Variants in ECPAS observed in about 807,000 individuals in gnomAD.
ECPAS encodes the protein proteasome adapter and scaffold protein ECM29.
Under a neutral mutation model 255.1 loss-of-function variants are expected in ECPAS, and 70 were observed. The ratio of observed to expected loss-of-function variants is 0.27; its 90% CI spans 0.23 to 0.33. The LOEUF (loss-of-function observed/expected upper bound fraction) is 0.33. Ranked by LOEUF, ECPAS falls within the 10% of genes least tolerant of loss-of-function variation. ECPAS has a pLI of 1.00. For missense variants in ECPAS, 1,817 were observed against 2,206.4 expected (o/e 0.82, Z 3.54); for synonymous variants, 784 against 775.0 (o/e 1.01, Z -0.19).
intron 11 of ECPAS, 109 bp from the exon 12 acceptor site, chr9:111,425,605 A>C: frequency 9.7e-7 from 1 of 1,026,092 alleles, no homozygotes; most frequent in Non-Finnish European, 1.4e-6. Flanking sequence ...AAGTTAAATA[A>C]TCTATTAAAA....
chr9:111,408,476 A>T, intron 24 of ECPAS, 95 bp downstream of exon 24: 1 of 696,208 alleles, frequency 1.4e-6, no homozygotes, highest in Non-Finnish European at 2.4e-6. Flanking sequence ...ATGCTTAATT[A>T]AAAATCTCAC....
At chr9:111,404,813 C>CAAA (rs35277070) in intron 24 of ECPAS, among the ~76,000 whole-genome samples, 580 of 52,590 alleles carry the variant, frequency 0.011, 4 homozygotes, top group Non-Finnish European at 0.013. Context: ...TAATAGCTAC[C>CAAA]AAAAAAAAAA....
Position 111,420,060 on chromosome 9 carries a change from G to T in ECPAS, c.1516C>A (p.His506Asn). 1 of 1,612,896 alleles carries T rather than the reference G, an allele frequency of 6.2e-7. No homozygotes were observed. Among genetic ancestry groups the T allele is most frequent in the Non-Finnish European group, 8.5e-7 (1 of 1,179,286 alleles). The stretch of plus-strand genomic sequence containing the variant: ...AGCAGCAAATATCTGGAAGGGATAT[G>T]ATCTGAGGGAAACACCGTACTGGCA... ...KFASTVFPSDHIPSRYLLLLA... is the reference protein window; with the variant it reads ...KFASTVFPSDNIPSRYLLLLA... Residue 506 changes from histidine (H) to asparagine (N), a missense_variant, in exon 16 of 50, where the codon CAT becomes AAT. Transcript: ENST00000684092.
rs369338743 is a variant in ECPAS, at chr9:111,451,536, A to G, written c.42T>C (p.Phe14=). The G allele has an allele frequency of 1.3e-5, 20 of 1,575,560 alleles. No individual in the cohort carries two copies. The African/African-American group carries it at 2.6e-4, about 20-fold the overall frequency. ...CTGTTTCAGCATGGCCAAGTCGTAA[A>G]AAGACCCGTTCAAGCTGATCTATAA... ...IDCRDQLERV[F]LRLGHAETDE... Residue 14 remains phenylalanine (F), a synonymous_variant, in exon 3 of 50, where the codon TTT becomes TTC. Coordinates refer to ENST00000684092, the MANE Select transcript of ECPAS (RefSeq NM_001364929.1).
chr9:111,418,628 T>G (rs2098208242), intron 16 of ECPAS, among the ~76,000 whole-genome samples: 1 of 152,216 alleles, frequency 6.6e-6, no homozygotes. Context: ...CCTTAAGTTG[T>G]CAGAGGATTT....
At chr9:111,395,459 C>T (rs541024179) in intron 25 of ECPAS, among the ~76,000 whole-genome samples, 4 of 152,230 alleles carry the variant, frequency 2.6e-5, no homozygotes, top group Admixed American at 2.0e-4. Context: ...TTCATCATCC[C>T]TCCCTTCTCC....
Position 111,376,552 on chromosome 9 carries a change from GA to G in ECPAS, c.3955-12del, listed in dbSNP as rs1755199491. 1 of 1,585,726 alleles carries G rather than the reference GA, an allele frequency of 6.3e-7. No individual in the cohort carries two copies. Among genetic ancestry groups the G allele is most frequent in the Admixed American group, 1.8e-5 (1 of 56,288 alleles). ...ACTATCCATCGCAGCCTAAAGAAGA[GA>G]AATTAAAGTCACCCGGCACATTCAA... is the stretch of plus-strand genomic sequence containing the variant. On this transcript the variant is annotated splice_polypyrimidine_tract_variant and intron_variant, in intron 36 of 49. Coordinates refer to ENST00000684092, the MANE Select transcript of ECPAS (RefSeq NM_001364929.1).
intron 1 of ECPAS, among the ~76,000 whole-genome samples, chr9:111,476,962 C>T (rs1301757868): frequency 6.6e-6 from 1 of 152,084 alleles, no homozygotes. Context: ...GCCACCAGGT[C>T]TGCCTAATTT....
At position 111,373,218 on chromosome 9, in the gene ECPAS, T is replaced by C. The variant is rs765269848; in HGVS notation, c.4288A>G (p.Thr1430Ala). 16 of 1,613,800 alleles carry C rather than the reference T, an allele frequency of 9.9e-6. No individual in the cohort carries two copies. Among genetic ancestry groups the C allele is most frequent in the Non-Finnish European group, 1.4e-5 (16 of 1,179,748 alleles). The change falls in exon 41 of 50, where the codon ACT becomes GCT. Residue 1430 changes from threonine (T) to alanine (A), a missense_variant. Thr to Ala is a moderately conservative substitution (Grantham distance 58). Transcript: ENST00000684092. The stretch of plus-strand genomic sequence containing the variant: ...TTGAGCTTCTGCAGGAGTTTTTCAG[T>C]GCTGCTATCCCGTGAGGTCTGAAAA... ...HLVRTSRDSS[T>A]EKLLQKLNGW... is the part of the protein sequence containing the mutation.
chr9:111,469,760 G>A (rs1015804334), intron 2 of ECPAS, among the ~76,000 whole-genome samples: 12 of 151,596 alleles, frequency 7.9e-5, no homozygotes, highest in Non-Finnish European at 1.8e-4. Context: ...AGTGAGCCGA[G>A]ATCGCGCCAC....
chr9:111,402,178 G>A (rs1410312051), intron 24 of ECPAS, among the ~76,000 whole-genome samples: 1 of 152,228 alleles, frequency 6.6e-6, no homozygotes, highest in Non-Finnish European at 1.5e-5. Context: ...ACTGGTAAGT[G>A]TTCATGAAAT....
At chr9:111,443,904 T>C (rs918319887) in intron 4 of ECPAS, among the ~76,000 whole-genome samples, 15 of 152,206 alleles carry the variant, frequency 9.9e-5, no homozygotes, top group African/African-American at 3.6e-4. Flanking sequence ...AGACTCAGAT[T>C]TACTCCACTT....
intron 26 of ECPAS, 126 bp downstream of exon 26, chr9:111,394,034 T>C: frequency 1.0e-6 from 1 of 956,920 alleles, no homozygotes; most frequent in Non-Finnish European, 1.5e-6. Context: ...CCATCCTTCA[T>C]TCCTTCATGT....
intron 24 of ECPAS, among the ~76,000 whole-genome samples, chr9:111,404,434 G>A (rs1396671989): frequency 1.3e-5 from 2 of 149,222 alleles, no homozygotes; most frequent in Non-Finnish European, 2.9e-5. Context: ...CTTTGGATTT[G>A]TGTCCCTGCC....
At chr9:111,394,403 T>C in intron 25 of ECPAS, 98 bp from the exon 26 acceptor site, 4 of 1,130,048 alleles carry the variant, frequency 3.5e-6, no homozygotes, top group Non-Finnish European at 4.7e-6. Context: ...AACAGAACAA[T>C]CCTATATAAA....
At position 111,421,883 on chromosome 9, in the gene ECPAS, C is replaced by T. The variant is rs750217752; in HGVS notation, c.1455+38G>A. The T allele has an allele frequency of 3.1e-5, 50 of 1,592,374 alleles. No homozygotes were observed. The East Asian group carries it at 6.7e-4, about 21-fold the overall frequency. On this transcript the variant is annotated intron_variant, in intron 15 of 49. Coordinates refer to ENST00000684092, the MANE Select transcript of ECPAS (RefSeq NM_001364929.1). ...AAATTTTGTTCTTAAAAATGTAAACCGTATACTACCCAGGCTTTGTAGTTC... is the reference window on the plus strand; with the variant it reads ...AAATTTTGTTCTTAAAAATGTAAACTGTATACTACCCAGGCTTTGTAGTTC...
chr9:111,369,189 G>C lies in ECPAS; in HGVS notation c.4975-16C>G. On this transcript the variant is annotated splice_polypyrimidine_tract_variant and intron_variant, in intron 45 of 49. Coordinates refer to ENST00000684092, the MANE Select transcript of ECPAS (RefSeq NM_001364929.1). ...CAAGTGAGTTCTAGGATATATCAAA[G>C]AAAAGAAAATGTAATATTTTCTTCT... The C allele has an allele frequency of 6.7e-7, 1 of 1,486,666 alleles. No individual in the cohort carries two copies. Among genetic ancestry groups the C allele is most frequent in the East Asian group, 2.6e-5 (1 of 38,936 alleles). The allele number at this position is 1,486,666 out of a possible 1,614,324, so 92.1% of individuals were successfully genotyped here. A position where few individuals can be genotyped will look rare whatever the true frequency, so the allele number is the denominator to read the frequency against.
At position 111,372,102 on chromosome 9, in the gene ECPAS, T is replaced by A. The variant is rs138555975; in HGVS notation, c.4529-273A>T. Among the ~76,000 whole-genome samples the A allele has an allele frequency of 1.9e-3, 289 of 152,286 alleles. 1 individual carries two copies. The highest frequency in any genetic ancestry group is 6.7e-3 in the African/African-American group (279 of 41,574). ...AAGGTGAAAAACACATTTAGAAAAC[T>A]ACTCTAAAATACTCTAAGGCCACAT... On this transcript the variant is annotated intron_variant, in intron 42 of 49. Transcript: ENST00000684092.
chr9:111,425,251 GC>G (rs752956407), intron 12 of ECPAS, among the ~76,000 whole-genome samples, 166 bp downstream of exon 12: 21 of 150,054 alleles, frequency 1.4e-4, no homozygotes, highest in Non-Finnish European at 2.2e-4. Flanking sequence ...CCCCAAAAAA[GC>G]AAAAAAGGGC....
Sources: allele counts gnomAD v4.1 joint callset (sites outside exome capture counted in the v4.1 genomes callset), GRCh38; gene constraint gnomAD v4.1.1; transcripts MANE v1.5; gene names NCBI Gene and HGNC (gene_info 2026-07-23, HGNC 2026-07-21).